The following MXRA7 variants were observed in gnomAD, a reference collection of about 807,000 sequenced individuals.
The protein encoded by MXRA7 is matrix remodeling associated 7.
A neutral mutation model predicts 17.4 loss-of-function variants in MXRA7; 18 were observed. The observed-to-expected ratio is 1.03, with a 90% confidence interval of 0.71 to 1.53. MXRA7 has a LOEUF of 1.53. MXRA7 is among the 40% of genes most tolerant of loss of function. MXRA7 has a pLI of 0.00. For synonymous variants in MXRA7, 70 were observed against 101.7 expected, an observed-to-expected ratio of 0.69 and a Z score of 1.87; for missense variants, 141 against 209.3, an observed-to-expected ratio of 0.67 and a Z score of 2.01.
chr17:76,707,026 GT>G (rs1227009393), intron 1 of MXRA7, among the ~76,000 whole-genome samples: 5 of 152,102 alleles, frequency 3.3e-5, no homozygotes, highest in African/African-American at 1.2e-4. Flanking sequence ...TAAGGACATT[GT>G]TTACACAGCC....
At chr17:76,697,688 C>T (rs530171437) in intron 1 of MXRA7, among the ~76,000 whole-genome samples, 198 of 152,308 alleles carry the variant, frequency 1.3e-3, no homozygotes, top group South Asian at 2.3e-3. Flanking sequence ...GCAAACGGGA[C>T]GTGCCTCCTG....
chr17:76,693,475 CAAA>C (rs59677254), intron 1 of MXRA7, among the ~76,000 whole-genome samples: 5 of 98,628 alleles, frequency 5.1e-5, no homozygotes, highest in Non-Finnish European at 7.4e-5. Flanking sequence ...AGATCTGTCT[CAAA>C]AAAAAAAAAA....
intron 1 of MXRA7, among the ~76,000 whole-genome samples, chr17:76,693,352 C>T (rs1439392910): frequency 6.6e-6 from 1 of 151,624 alleles, no homozygotes; most frequent in African/African-American, 2.4e-5. Context: ...ACTGCTTCAG[C>T]TACTTGGGAG....
At chr17:76,675,461 G>A (rs1393070162), downstream of MXRA7, 2 of 143,074 alleles carry the variant, frequency 1.4e-5, no homozygotes, top group Non-Finnish European at 3.0e-5. Context: ...GCAGTGGCGC[G>A]ATGGCTCACT....
intron 1 of MXRA7, among the ~76,000 whole-genome samples, chr17:76,694,617 T>TA (rs2076513019): frequency 6.6e-6 from 1 of 152,154 alleles, no homozygotes; most frequent in Non-Finnish European, 1.5e-5. Flanking sequence ...GACAGGGTCT[T>TA]ACTGTCACCC....
At chr17:76,678,179 T>C (rs1386807200), downstream of MXRA7, among the ~76,000 whole-genome samples, 1 of 152,000 alleles carries the variant, frequency 6.6e-6, no homozygotes, top group Non-Finnish European at 1.5e-5. Flanking sequence ...AGCATACAAG[T>C]GTGTGCAAGA....
At chr17:76,688,005 C>G in intron 2 of MXRA7, 108 bp downstream of exon 2, 1 of 868,666 alleles carries the variant, frequency 1.2e-6, no homozygotes, top group Non-Finnish European at 1.8e-6. Flanking sequence ...ACTGTCCCAC[C>G]CCATCCCTCC....
At chr17:76,704,139 C>A (rs189046692) in intron 1 of MXRA7, among the ~76,000 whole-genome samples, 1 of 151,598 alleles carries the variant, frequency 6.6e-6, no homozygotes, top group African/African-American at 2.4e-5. Flanking sequence ...GCTTCTACCA[C>A]CCCGCAGCAG....
At chr17:76,705,144 CCTT>C (rs1395996828) in intron 1 of MXRA7, among the ~76,000 whole-genome samples, 6 of 152,218 alleles carry the variant, frequency 3.9e-5, no homozygotes, top group East Asian at 1.9e-4. Flanking sequence ...AAAACATACT[CCTT>C]CTTGCTAAGC....
rs993064625 is a variant in MXRA7 at position 76,680,297 on chromosome 17, G to C, written c.*570C>G. On this transcript the variant is annotated 3_prime_UTR_variant, in exon 4 of 4. Transcript: ENST00000449428. ...AGTAAATTCCTGGTACTGGTTCTTTGCTGCCCTGTAATCAATATGGCATCT... is the reference window on the plus strand; with the variant it reads ...AGTAAATTCCTGGTACTGGTTCTTTCCTGCCCTGTAATCAATATGGCATCT... 9.1e-6 allele frequency: 9 copies of C among 984,794 alleles called. No homozygotes were observed. In the African/African-American group the frequency reaches 1.6e-4, roughly 17 times the overall value. The allele number at this position is 984,794 out of a possible 1,614,324, so 61.0% of individuals were successfully genotyped here.
intron 1 of MXRA7, among the ~76,000 whole-genome samples, chr17:76,704,432 C>G (rs1228065434): frequency 6.6e-6 from 1 of 150,468 alleles, no homozygotes; most frequent in Admixed American, 6.6e-5. Context: ...GTCTCGATCT[C>G]CTGACCTCGT....
chr17:76,677,335 C>T (rs991798599), downstream of MXRA7: 6 of 408,406 alleles, frequency 1.5e-5, no homozygotes, highest in African/African-American at 1.2e-4. Context: ...GCCTCAGAGC[C>T]CAATAACAGC....
Position 76,680,836 on chromosome 17 carries a change from A to C in MXRA7, c.*31T>G, listed in dbSNP as rs952275202. The C allele has an allele frequency of 1.2e-6, 2 of 1,606,430 alleles. No individual in the cohort carries two copies. The highest frequency in any genetic ancestry group is 1.7e-6 in the Non-Finnish European group (2 of 1,176,582). The stretch of plus-strand genomic sequence containing the variant: ...AAGCTTTTAAGATGCCAAAAGGAAA[A>C]GCCTTTAGGAGGACGCTAAGGATAA... On this transcript the variant is annotated 3_prime_UTR_variant, in exon 4 of 4. Transcript: ENST00000449428.
At chr17:76,674,981 C>G (rs1235276993), downstream of MXRA7, 2 of 152,202 alleles carry the variant, frequency 1.3e-5, no homozygotes, top group Non-Finnish European at 2.9e-5. Flanking sequence ...GAAGACTGAG[C>G]TAAGAGAACT....
intron 1 of MXRA7, among the ~76,000 whole-genome samples, chr17:76,695,452 C>A (rs1460847589): frequency 2.0e-5 from 3 of 152,012 alleles, no homozygotes; most frequent in African/African-American, 7.2e-5. Flanking sequence ...CTGTGCTCAA[C>A]AGAGAGCTGG....
In MXRA7 at chr17:76,681,914, C is replaced by G. The variant is rs933375186; in HGVS notation, c.501-1035G>C. Among the ~76,000 whole-genome samples the G allele has an allele frequency of 1.3e-5, 2 of 152,230 alleles. No individual in the cohort carries two copies. The highest frequency in any genetic ancestry group is 2.9e-5 in the Non-Finnish European group (2 of 68,032). On this transcript the variant is annotated intron_variant, in intron 3 of 3. Transcript: ENST00000449428. The surrounding 1 kb of genome is among the most constrained non-coding windows in gnomAD (Gnocchi z 4.7). ...AAACTGGAGGTGGCACTTCCCACAGCAGCTTCAGCGGAACCCAGGGACGCC... is the reference window on the plus strand; with the variant it reads ...AAACTGGAGGTGGCACTTCCCACAGGAGCTTCAGCGGAACCCAGGGACGCC...
At chr17:76,688,510 G>C in intron 1 of MXRA7, 1 of 1,313,404 alleles carries the variant, frequency 7.6e-7, no homozygotes, top group Non-Finnish European at 9.7e-7. Context: ...GCGACGCTGC[G>C]GCCAGCAGAC....
chr17:76,684,785 G>A, intron 3 of MXRA7: 1 of 466,206 alleles, frequency 2.1e-6, no homozygotes, highest in Non-Finnish European at 3.9e-6. Flanking sequence ...GGGCAGTGGG[G>A]TGTGGAGGGG....
chr17:76,678,082 TGAA>T (rs2076256055), downstream of MXRA7, among the ~76,000 whole-genome samples: 1 of 152,122 alleles, frequency 6.6e-6, no homozygotes, highest in Non-Finnish European at 1.5e-5. Flanking sequence ...GGTAGTGCTA[TGAA>T]GAAGTAGGTT....
Sources: gnomAD v4.1 joint callset for allele counts (sites outside exome capture counted in the v4.1 genomes callset) on GRCh38, gnomAD v4.1.1 for gene constraint, Gnocchi (gnomAD v3.1) non-coding constraint, MANE v1.5 for transcripts, NCBI Gene and HGNC (gene_info 2026-07-23, HGNC 2026-07-21) for gene names.